Variants in DHX29 observed in about 807,000 individuals in gnomAD.
The protein encoded by DHX29 is ATP-dependent RNA helicase DHX29.
Under a neutral mutation model 167.9 loss-of-function variants are expected in DHX29, and 79 were observed. The observed-to-expected ratio is 0.47, with a 90% confidence interval of 0.39 to 0.57. DHX29 has a LOEUF of 0.57. Ranked by LOEUF, DHX29 falls within the 20% of genes least tolerant of loss-of-function variation. The pLI is 0.00. For missense variants in DHX29, 1,347 were observed against 1,593.4 expected (o/e 0.85, Z 2.63); for synonymous variants, 530 against 546.0 (o/e 0.97, Z 0.41).
At position 55,267,251 on chromosome 5, in the gene DHX29, A is replaced by G; in HGVS notation, c.3432-20T>C. 1.3e-6 allele frequency: 2 copies of G among 1,564,560 alleles called. No homozygotes were observed. The highest frequency in any genetic ancestry group is 2.2e-5 in the South Asian group (2 of 89,210). ...TTCCATCTAGATAAATAAAATGTCAATTAATGAATAAAGTTCACCATGTTC... is the reference window on the plus strand; with the variant it reads ...TTCCATCTAGATAAATAAAATGTCAGTTAATGAATAAAGTTCACCATGTTC... On this transcript the variant is annotated intron_variant, in intron 22 of 26. Transcript: ENST00000251636.
chr5:55,267,606 A>T, intron 22 of DHX29, 80 bp downstream of exon 22: 1 of 1,279,434 alleles, frequency 7.8e-7, no homozygotes, highest in Non-Finnish European at 1.0e-6. Context: ...GTACAATTTT[A>T]ATAAGTCAAA....
chr5:55,266,170 T>C (rs1242845415), intron 23 of DHX29, among the ~76,000 whole-genome samples: 1 of 150,316 alleles, frequency 6.7e-6, no homozygotes, highest in Non-Finnish European at 1.5e-5. Flanking sequence ...GGCTCATTTT[T>C]GTATTTTTAG....
intron 6 of DHX29, among the ~76,000 whole-genome samples, chr5:55,292,977 T>C (rs1236830404): frequency 6.6e-6 from 1 of 150,640 alleles, no homozygotes; most frequent in East Asian, 1.9e-4. Context: ...TTAAAAAAAC[T>C]TGGATATACA....
Position 55,292,354 on chromosome 5 carries a change from C to T in DHX29, c.780+1663G>A, listed in dbSNP as rs116214853. Among the ~76,000 whole-genome samples, 525 of 152,180 alleles carry T rather than the reference C, an allele frequency of 3.4e-3. 1 individual carries two copies. Among genetic ancestry groups the T allele is most frequent in the African/African-American group, 0.012 (491 of 41,500 alleles). On this transcript the variant is annotated intron_variant, in intron 6 of 26. Transcript: ENST00000251636. ...GAAATCTTCCTTAGCCTTTATATTC[C>T]GTAAATCACCAATTTCTACTGATTC... is the stretch of plus-strand genomic sequence containing the variant.
chr5:55,273,574 G>T, intron 16 of DHX29, 197 bp from the exon 17 acceptor site: 2 of 593,120 alleles, frequency 3.4e-6, no homozygotes, highest in Non-Finnish European at 2.4e-6. Context: ...CAAATTATGC[G>T]AATAGGATTA....
At chr5:55,262,491 A>T in intron 24 of DHX29, 139 bp downstream of exon 24, 1 of 1,089,056 alleles carries the variant, frequency 9.2e-7, no homozygotes, top group Non-Finnish European at 1.3e-6. Flanking sequence ...AGCTATGTGC[A>T]TCTTGATTTC....
At chr5:55,273,231 A>C in intron 17 of DHX29, 62 bp downstream of exon 17, 1 of 1,486,062 alleles carries the variant, frequency 6.7e-7, no homozygotes, top group Non-Finnish European at 9.0e-7. Context: ...ATAAAAAGTT[A>C]TACGGCCATC....
At chr5:55,269,297 T>A (rs1391739557) in intron 21 of DHX29, 116 bp downstream of exon 21, 2 of 936,120 alleles carry the variant, frequency 2.1e-6, no homozygotes, top group African/African-American at 3.4e-5. Flanking sequence ...GTTTTAATGT[T>A]CGTATAGACA....
chr5:55,280,808 A>G (rs1747361562), intron 12 of DHX29, among the ~76,000 whole-genome samples: 1 of 152,184 alleles, frequency 6.6e-6, no homozygotes, highest in South Asian at 2.1e-4. Flanking sequence ...ACCCTAGATT[A>G]TCGTTCCCCT....
chr5:55,304,825 G>C (rs1041183228), intron 1 of DHX29, among the ~76,000 whole-genome samples: 1 of 152,144 alleles, frequency 6.6e-6, no homozygotes, highest in African/African-American at 2.4e-5. Flanking sequence ...AGATAAGGAG[G>C]GACGGAAGTA....
Position 55,307,529 on chromosome 5 carries a change from C to G in DHX29, c.45G>C (p.Val15=). The change falls in exon 1 of 27, where the codon GTG becomes GTC. Residue 15 remains valine, a synonymous_variant. Coordinates refer to ENST00000251636, the MANE Select transcript of DHX29 (RefSeq NM_019030.4). Reference sequence around the variant, plus strand: ...TGGAAGCAGACACGGCGGCCCGGACCACCGCGGCCGCTGGAGCCTTGTGTT... The same window carrying G: ...TGGAAGCAGACACGGCGGCCCGGACGACCGCGGCCGCTGGAGCCTTGTGTT... ...NKKHKAPAAA[V]VRAAVSASRA... The G allele has an allele frequency of 1.2e-6, 2 of 1,613,558 alleles. No individual in the cohort carries two copies. Among genetic ancestry groups the G allele is most frequent in the Non-Finnish European group, 1.7e-6 (2 of 1,179,920 alleles).
chr5:55,281,636 C>A (rs372432436), intron 11 of DHX29, 121 bp from the exon 12 acceptor site: 6 of 530,050 alleles, frequency 1.1e-5, no homozygotes, highest in African/African-American at 6.0e-5. Context: ...TAATCTAGTA[C>A]AATTTATTAT....
At chr5:55,265,441 G>A (rs1276423032) in intron 23 of DHX29, among the ~76,000 whole-genome samples, 2 of 151,076 alleles carry the variant, frequency 1.3e-5, no homozygotes, top group Non-Finnish European at 2.9e-5. Flanking sequence ...CCCTTTATAA[G>A]AAATACAGGA....
chr5:55,284,877 A>T (rs184673886), intron 10 of DHX29, among the ~76,000 whole-genome samples: 35 of 152,134 alleles, frequency 2.3e-4, no homozygotes, highest in Admixed American at 3.9e-4. Context: ...CAACTTTTTT[A>T]AAAAAAATTA....
Position 55,269,496 on chromosome 5 carries a change from G to A in DHX29, c.3211C>T (p.Gln1071Ter), listed in dbSNP as rs759038988. The change falls in exon 21 of 27, where the codon CAA becomes TAA. Residue 1071 changes from glutamine to a stop codon, truncating the protein, a stop_gained. Coordinates refer to ENST00000251636, the MANE Select transcript of DHX29 (RefSeq NM_019030.4). LOFTEE classifies it high-confidence loss of function. ...LNEPKLTPLG[Q>*]HLAALPVNVK... ...TTCACAGGTAAAGCTGCAAGGTGTT[G>A]GCCCAACGGAGTCAGTTTAGGCTCA... 6.2e-7 allele frequency: 1 copy of A among 1,613,934 alleles called. No individual in the cohort carries two copies.
chr5:55,287,523 C>G (rs1747799276), intron 8 of DHX29, among the ~76,000 whole-genome samples: 1 of 151,668 alleles, frequency 6.6e-6, no homozygotes, highest in African/African-American at 2.4e-5. Context: ...TGGGACTAAA[C>G]TAACTATAAT....
intron 25 of DHX29, among the ~76,000 whole-genome samples, chr5:55,260,968 G>A (rs138558686): frequency 9.9e-5 from 15 of 152,238 alleles, no homozygotes; most frequent in African/African-American, 3.6e-4. Flanking sequence ...TCCTAGATTT[G>A]AATCTTGCTC....
chr5:55,284,819 C>G (rs932963992), intron 10 of DHX29, among the ~76,000 whole-genome samples: 1 of 152,080 alleles, frequency 6.6e-6, no homozygotes, highest in Non-Finnish European at 1.5e-5. Flanking sequence ...GGAAAACAAA[C>G]TTAAAAAATT....
intron 26 of DHX29, among the ~76,000 whole-genome samples, chr5:55,258,910 CA>C (rs1439669346): frequency 6.6e-6 from 1 of 152,084 alleles, no homozygotes; most frequent in Admixed American, 6.5e-5. Context: ...AATAGCTCTG[CA>C]TTTGAAAGAA....
Sources: allele counts gnomAD v4.1 joint callset (sites outside exome capture counted in the v4.1 genomes callset), GRCh38; gene constraint gnomAD v4.1.1; transcripts MANE v1.5; gene names NCBI Gene and HGNC (gene_info 2026-07-23, HGNC 2026-07-21).